The following MGA variants were observed in gnomAD, a reference collection of about 807,000 sequenced individuals.
The protein encoded by MGA is MAX gene-associated protein.
A neutral mutation model predicts 261.1 loss-of-function variants in MGA; 40 were observed. The observed-to-expected ratio is 0.15, with a 90% confidence interval of 0.12 to 0.20. MGA has a LOEUF of 0.20. Among genes scored for constraint, MGA ranks in the 10% least tolerant of loss-of-function variants. MGA has a pLI of 1.00. For synonymous variants in MGA, 1,302 were observed against 1,290.6 expected (o/e 1.01, Z -0.19); for missense variants, 3,397 against 3,630.5 (o/e 0.94, Z 1.65).
At chr15:41,699,253 T>G (rs2059708735) in intron 5 of MGA, 94 bp downstream of exon 5, 3 of 812,922 alleles carry the variant, frequency 3.7e-6, no homozygotes, top group Middle Eastern at 5.8e-4. Flanking sequence ...CATCTCTTTT[T>G]TTCTGTTTTT....
intron 2 of MGA, among the ~76,000 whole-genome samples, chr15:41,682,985 T>G (rs2058754735): frequency 6.6e-6 from 1 of 152,176 alleles, no homozygotes; most frequent in Non-Finnish European, 1.5e-5. Flanking sequence ...TTCTTACGTG[T>G]TGGGAATTGG....
At position 41,707,995 on chromosome 15, in the gene MGA, T is replaced by G; in HGVS notation, c.2321-109T>G. 2.9e-6 allele frequency: 4 copies of G among 1,367,246 alleles called. No individual in the cohort carries two copies. The South Asian group carries it at 5.7e-5, about 20-fold the overall frequency. The allele number at this position is 1,367,246 out of a possible 1,614,324, so 84.7% of individuals were successfully genotyped here. ...TAGATCTTTTGTCTGTTGTTATAGT[T>G]TTGATAAGTGATTTATACACTTACC... On this transcript the variant is annotated intron_variant, in intron 6 of 23. Coordinates refer to ENST00000219905, the MANE Select transcript of MGA (RefSeq NM_001164273.2).
rs200969300 is a variant in MGA at position 41,725,551 on chromosome 15, G to A, written c.3431-1629G>A. On this transcript the variant is annotated intron_variant, in intron 9 of 23. Coordinates refer to ENST00000219905, the MANE Select transcript of MGA (RefSeq NM_001164273.2). ...GTACTCTTAAAAAAATAAATAAGTA[G>A]GGCCGGGCGCGGTGGCTCACGCCTG... Among the ~76,000 whole-genome samples, 15 of 8,160 alleles carry A rather than the reference G, an allele frequency of 1.8e-3. 4 individuals carry two copies. The highest frequency in any genetic ancestry group is 4.7e-3 in the Admixed American group (2 of 430). The allele number at this position is 8,160 out of a possible 152,430, so 5.4% of individuals were successfully genotyped here. A position where few individuals can be genotyped will look rare whatever the true frequency, so the allele number is the denominator to read the frequency against.
At chr15:41,726,776 A>G (rs2061275585) in intron 9 of MGA, among the ~76,000 whole-genome samples, 2 of 152,064 alleles carry the variant, frequency 1.3e-5, no homozygotes, top group Admixed American at 6.6e-5. Flanking sequence ...CTCTGACCCT[A>G]AATATAATGG....
rs879551084 is a variant in MGA at position 41,716,291 on chromosome 15, C to CAAAA, written c.3430+2805_3430+2808dup. ...TGAAACCCCGTCTCTACTAAAAATA[C>CAAAA]AAAAAAAAAAAAATTAGCCAGGCGT... On this transcript the variant is annotated intron_variant, in intron 9 of 23. Transcript: ENST00000219905. 4.0e-4 allele frequency among the ~76,000 whole-genome samples: 54 copies of CAAAA among 135,344 alleles called. No homozygotes were observed. In the South Asian group the frequency reaches 0.012, roughly 30 times the overall value. 88.8% of individuals were successfully genotyped at this position (135,344 alleles called of 152,430 possible).
rs117287362 is a variant in MGA, at chr15:41,690,350, T to A, written c.1065-5725T>A. ...TATTCATCAGTTGGACAGTAAGGTT[T>A]TTAGTTTTTGGCTGTTACGAATAAT... On this transcript the variant is annotated intron_variant, in intron 2 of 23. Transcript: ENST00000219905. 7.5e-3 allele frequency among the ~76,000 whole-genome samples: 1,143 copies of A among 152,320 alleles called. 8 individuals are homozygous for A. The highest frequency in any genetic ancestry group is 0.014 in the Middle Eastern group (4 of 294).
At chr15:41,719,567 C>A (rs1251246911) in intron 9 of MGA, among the ~76,000 whole-genome samples, 1 of 152,016 alleles carries the variant, frequency 6.6e-6, no homozygotes, top group Admixed American at 6.6e-5. Flanking sequence ...ATGGCGAAAC[C>A]CTGTCTCTAC....
At chr15:41,759,242 T>G (rs2063316772) in intron 19 of MGA, among the ~76,000 whole-genome samples, 1 of 152,152 alleles carries the variant, frequency 6.6e-6, no homozygotes, top group South Asian at 2.1e-4. Context: ...TGATGTGAGC[T>G]AAATCCTCTT....
At chr15:41,638,989 G>A (rs994445472) in intron 1 of MGA, among the ~76,000 whole-genome samples, 1 of 151,976 alleles carries the variant, frequency 6.6e-6, no homozygotes, top group African/African-American at 2.4e-5. Context: ...AGGATTACAG[G>A]TGTGAGCCAC....
chr15:41,695,251 C>G (rs1460529351), intron 2 of MGA, among the ~76,000 whole-genome samples: 1 of 151,600 alleles, frequency 6.6e-6, no homozygotes. Context: ...GGCAGTGGCA[C>G]AATCTCGGCT....
In MGA at chr15:41,672,888, AC is replaced by A. The variant is rs1298577848; in HGVS notation, c.1064+2931del. On this transcript the variant is annotated intron_variant, in intron 2 of 23. Transcript: ENST00000219905. ...TGTGCACACACACACACACACACAC[AC>A]ACTATTTTCCCATTTTCTATTCAGT... Among the ~76,000 whole-genome samples, 11 of 149,180 alleles carry A rather than the reference AC, an allele frequency of 7.4e-5. No individual in the cohort carries two copies. The East Asian group carries it at 2.4e-3, about 32-fold the overall frequency.
At chr15:41,711,836 T>C (rs918732520) in intron 8 of MGA, among the ~76,000 whole-genome samples, 3 of 152,056 alleles carry the variant, frequency 2.0e-5, no homozygotes, top group Non-Finnish European at 2.9e-5. Flanking sequence ...GCTGGGACTA[T>C]AGGCACATAC....
chr15:41,756,885 T>G (rs1460179501), intron 18 of MGA, among the ~76,000 whole-genome samples: 1 of 152,128 alleles, frequency 6.6e-6, no homozygotes. Flanking sequence ...TTAGCTACTG[T>G]GCCTGGCCTT....
In MGA at chr15:41,669,695, C is replaced by T. The variant is rs932998166; in HGVS notation, c.801C>T (p.Pro267=). Residue 267 remains proline, a synonymous_variant, in exon 2 of 24, where the codon CCC becomes CCT. Coordinates refer to ENST00000219905, the MANE Select transcript of MGA (RefSeq NM_001164273.2). ...GGGATGATGGGCTGAATAATAAGCC[C>T]CAGAGAGATGGAAAACAAAAGAACA... 4 of 1,613,380 alleles carry T rather than the reference C, an allele frequency of 2.5e-6. No individual in the cohort carries two copies. Among genetic ancestry groups the T allele is most frequent in the Non-Finnish European group, 3.4e-6 (4 of 1,179,640 alleles).
chr15:41,656,152 C>T (rs960610148), upstream of MGA, among the ~76,000 whole-genome samples: 3 of 151,962 alleles, frequency 2.0e-5, no homozygotes, highest in Admixed American at 1.3e-4. Context: ...GAAGACCTTA[C>T]CTGATCATGA....
intron 2 of MGA, among the ~76,000 whole-genome samples, chr15:41,672,837 G>A (rs909045729): frequency 1.3e-5 from 2 of 149,738 alleles, no homozygotes; most frequent in African/African-American, 4.9e-5. Context: ...CTGATTTAAG[G>A]GTTTAAAAAA....
chr15:41,698,926 A>C lies in MGA; in HGVS notation c.2077A>C (p.Thr693Pro). The C allele has an allele frequency of 1.3e-6, 2 of 1,550,590 alleles. No individual in the cohort carries two copies. The highest frequency in any genetic ancestry group is 8.7e-7 in the Non-Finnish European group (1 of 1,146,466). ...AGAATCTTCTAGTCTCCAGGCATCAACCACAAATGACTCAGGTATTATAAA... is the reference window on the plus strand; with the variant it reads ...AGAATCTTCTAGTCTCCAGGCATCACCCACAAATGACTCAGGTATTATAAA... The change falls in exon 4 of 24, where the codon ACC becomes CCC. Residue 693 changes from threonine (T) to proline (P), a missense_variant. By Grantham distance (38) the Thr-to-Pro change is conservative. Transcript: ENST00000219905.
chr15:41,622,390 C>T (rs151043223), intron 1 of MGA, among the ~76,000 whole-genome samples: 2,145 of 151,870 alleles, frequency 0.014, 62 homozygotes, highest in African/African-American at 0.049. Flanking sequence ...ATGAGACAAC[C>T]GCCACCCCGC....
rs747250233 is a variant in MGA at position 41,762,269 on chromosome 15, T to C, written c.7651T>C (p.Ser2551Pro). ...CAGAATTAGCAAACAGCAGGAAGGATCTTCTGCATCATCTGTAGATCTTGG... is the reference window on the plus strand; with the variant it reads ...CAGAATTAGCAAACAGCAGGAAGGACCTTCTGCATCATCTGTAGATCTTGG... The change falls in exon 22 of 24, where the codon TCT becomes CCT. Residue 2551 changes from serine to proline, a missense_variant. Ser to Pro is a moderately conservative substitution (Grantham distance 74). Coordinates refer to ENST00000219905, the MANE Select transcript of MGA (RefSeq NM_001164273.2). 1 of 1,613,714 alleles carries C rather than the reference T, an allele frequency of 6.2e-7. No individual in the cohort carries two copies. The highest frequency in any genetic ancestry group is 1.7e-5 in the Admixed American group (1 of 59,986).
Sources: allele counts gnomAD v4.1 joint callset (sites outside exome capture counted in the v4.1 genomes callset), GRCh38; gene constraint gnomAD v4.1.1; transcripts MANE v1.5; gene names NCBI Gene and HGNC (gene_info 2026-07-23, HGNC 2026-07-21).